Variants in BLTP1 observed in about 807,000 individuals in gnomAD.
BLTP1 encodes fragile site-associated protein.
At chr4:122,328,116 A>G in the BLTP1 span, 1 of 1,587,182 alleles carries the variant, frequency 6.3e-7, no homozygotes, top group Non-Finnish European at 8.6e-7. Context: ...TCCAGAGGAG[A>G]CAGAACTGGA....
At chr4:122,330,730 G>A in the BLTP1 span, among the ~76,000 whole-genome samples, 1 of 151,756 alleles carries the variant, frequency 6.6e-6, no homozygotes. Context: ...TGTCCCACTT[G>A]TCTTTTTTTA....
At chr4:122,305,428 ATTTT>A in the BLTP1 span, 35 of 956,784 alleles carry the variant, frequency 3.7e-5, no homozygotes, top group African/African-American at 5.8e-4. Flanking sequence ...CTTATTGGAG[ATTTT>A]TTTTGTTTTT....
the BLTP1 span, chr4:122,343,433 C>G: frequency 1.9e-6 from 3 of 1,613,974 alleles, no homozygotes; most frequent in Non-Finnish European, 2.5e-6. Flanking sequence ...AGGCAGCCCT[C>G]TTGGCCGAAG....
At chr4:122,347,565 A>T in the BLTP1 span, 1 of 1,613,650 alleles carries the variant, frequency 6.2e-7, no homozygotes, top group Admixed American at 1.7e-5. Context: ...GGGTAAGCCA[A>T]CACCTTTCCC....
At chr4:122,243,302 T>G in the BLTP1 span, 1 of 636,308 alleles carries the variant, frequency 1.6e-6, no homozygotes, top group Non-Finnish European at 2.0e-6. Flanking sequence ...TAATAAGACT[T>G]CAGTATCATA....
the BLTP1 span, chr4:122,236,986 A>G: frequency 0.19 from 190,955 of 984,668 alleles, 19,898 homozygotes; most frequent in Non-Finnish European, 0.21. Context: ...TTAAGGATCT[A>G]TTTGGAAGGT....
At chr4:122,332,088 CTG>C in the BLTP1 span, among the ~76,000 whole-genome samples, 2 of 151,500 alleles carry the variant, frequency 1.3e-5, no homozygotes, top group Non-Finnish European at 1.5e-5. Flanking sequence ...TAAAAATGAA[CTG>C]TAAAAAAAAT....
chr4:122,254,189 A>T, the BLTP1 span: 1 of 1,612,528 alleles, frequency 6.2e-7, no homozygotes, highest in African/African-American at 1.3e-5. Context: ...ATTCTATTTT[A>T]TATAGGATGA....
At chr4:122,239,545 C>T in the BLTP1 span, 2 of 1,596,050 alleles carry the variant, frequency 1.3e-6, no homozygotes, top group Non-Finnish European at 1.7e-6. Context: ...GGAAACAGCC[C>T]TGTGTCTCCT....
chr4:122,323,878 T>G, the BLTP1 span, among the ~76,000 whole-genome samples: 2 of 152,020 alleles, frequency 1.3e-5, no homozygotes, highest in Non-Finnish European at 2.9e-5. Flanking sequence ...TCAATTCCCA[T>G]TATCCATCTT....
chr4:122,171,952 C>T, the BLTP1 span: 4 of 983,902 alleles, frequency 4.1e-6, no homozygotes, highest in Middle Eastern at 1.0e-3. Context: ...TGCCTGTTGC[C>T]ATTCTGAAGG....
At chr4:122,164,539 T>G in the BLTP1 span, 4 of 408,492 alleles carry the variant, frequency 9.8e-6, no homozygotes, top group African/African-American at 8.7e-5. Context: ...TTTTGACTTA[T>G]CCTATTGCTG....
At chr4:122,219,366 G>GT in the BLTP1 span, 1 of 1,613,616 alleles carries the variant, frequency 6.2e-7, no homozygotes. Flanking sequence ...AAGATGACAT[G>GT]TATATGGATT....
the BLTP1 span, among the ~76,000 whole-genome samples, chr4:122,258,285 T>C: frequency 6.6e-6 from 1 of 152,218 alleles, no homozygotes; most frequent in African/African-American, 2.4e-5. Context: ...AAGCTTAGTT[T>C]TAAAAATAAC....
the BLTP1 span, chr4:122,189,005 A>G: frequency 1.0e-6 from 1 of 985,044 alleles, no homozygotes; most frequent in African/African-American, 1.7e-5. Flanking sequence ...AAGATCATGG[A>G]CTTGGTTAAG....
chr4:122,314,766 A>T, the BLTP1 span, among the ~76,000 whole-genome samples: 1 of 152,208 alleles, frequency 6.6e-6, no homozygotes, highest in Non-Finnish European at 1.5e-5. Context: ...AATCTTCGTC[A>T]GGACTTTTAA....
chr4:122,362,388 G>GT, the BLTP1 span: 1 of 648,130 alleles, frequency 1.5e-6, no homozygotes, highest in African/African-American at 1.8e-5. Flanking sequence ...AAGTTAACCT[G>GT]TTCTAGTTCC....
the BLTP1 span, chr4:122,152,548 G>C: frequency 2.9e-5 from 29 of 985,790 alleles, no homozygotes; most frequent in Non-Finnish European, 3.3e-5. Context: ...CCGGAGAGAG[G>C]CCAGAGGGAT....
the BLTP1 span, chr4:122,188,838 C>T: frequency 5.9e-6 from 3 of 509,484 alleles, no homozygotes; most frequent in Non-Finnish European, 7.6e-6. Context: ...GTGTAGGTAC[C>T]TTATGAGGTT....
Sources: allele counts gnomAD v4.1 joint callset (sites outside exome capture counted in the v4.1 genomes callset), GRCh38; gene constraint gnomAD v4.1.1; transcripts MANE v1.5; gene names NCBI Gene and HGNC (gene_info 2026-07-23, HGNC 2026-07-21).